MECOM: variants seen among roughly 807,000 people sequenced by gnomAD.
MECOM encodes histone-lysine N-methyltransferase MECOM.
In MECOM, 13 loss-of-function variants were observed where a neutral mutation model predicts 116.3. That is an observed-to-expected ratio of 0.11 (90% confidence interval 0.07 to 0.18). The LOEUF (loss-of-function observed/expected upper bound fraction) is 0.18. Ranked by LOEUF, MECOM falls within the 10% of genes least tolerant of loss-of-function variation. The pLI, the probability that MECOM is intolerant of heterozygous loss-of-function variation, is 1.00. For synonymous variants in MECOM, 528 were observed against 535.2 expected, an observed-to-expected ratio of 0.99 and a Z score of 0.19; for missense variants, 1,299 against 1,509.0, an observed-to-expected ratio of 0.86 and a Z score of 2.31.
At chr3:169,333,948 A>C (rs1319955146) in intron 2 of MECOM, among the ~76,000 whole-genome samples, 1 of 147,060 alleles carries the variant, frequency 6.8e-6, no homozygotes, top group East Asian at 2.0e-4. Context: ...AAAGCATAAG[A>C]GCAAACCCAG....
At chr3:169,415,086 T>C (rs748057549) in intron 1 of MECOM, among the ~76,000 whole-genome samples, 6 of 152,116 alleles carry the variant, frequency 3.9e-5, no homozygotes, top group Non-Finnish European at 5.9e-5. Context: ...AGTCATCAGA[T>C]TCATCAAGGT....
At chr3:169,370,271 A>G (rs1729870963) in intron 2 of MECOM, among the ~76,000 whole-genome samples, 1 of 152,022 alleles carries the variant, frequency 6.6e-6, no homozygotes, top group Admixed American at 6.6e-5. Context: ...CACAATGGAG[A>G]AAGGGTAGTC....
chr3:169,546,671 A>G (rs556190007), intron 1 of MECOM, among the ~76,000 whole-genome samples: 39 of 152,360 alleles, frequency 2.6e-4, no homozygotes, highest in African/African-American at 8.9e-4. Context: ...ACAAGTTAGT[A>G]CAAACTGGCT....
At chr3:169,626,841 A>G (rs1168913751) in intron 1 of MECOM, among the ~76,000 whole-genome samples, 2 of 146,344 alleles carry the variant, frequency 1.4e-5, no homozygotes, top group Admixed American at 6.8e-5. Context: ...TTTCTCTTTC[A>G]TCTTATCCCT....
intron 1 of MECOM, among the ~76,000 whole-genome samples, chr3:169,609,781 T>C (rs931302030): frequency 6.6e-6 from 1 of 152,310 alleles, no homozygotes; most frequent in African/African-American, 2.4e-5. Context: ...CAGAGTATAA[T>C]TAAAATTTCA....
intron 2 of MECOM, among the ~76,000 whole-genome samples, chr3:169,148,429 G>T (rs1740527289): frequency 2.0e-5 from 3 of 152,090 alleles, no homozygotes; most frequent in African/African-American, 7.3e-5. Context: ...AGAATACAGG[G>T]GATACATAGC....
chr3:169,468,210 C>A lies in MECOM; in HGVS notation c.38-86686G>T, dbSNP rs145164632. Among the ~76,000 whole-genome samples, 529 of 152,118 alleles carry A rather than the reference C, an allele frequency of 3.5e-3. 2 individuals are homozygous for A. The highest frequency in any genetic ancestry group is 0.012 in the African/African-American group (497 of 41,524). ...CTTTTAGCTGCTCAAAGGTGTAAAT[C>A]TCCTTCCCATGCCCTGATTCCTCAT... is the stretch of plus-strand genomic sequence containing the variant. On this transcript the variant is annotated intron_variant, in intron 1 of 16. Coordinates refer to ENST00000651503, the MANE Select transcript of MECOM (RefSeq NM_004991.4).
chr3:169,211,845 T>C (rs772570152), intron 2 of MECOM, among the ~76,000 whole-genome samples: 65 of 152,136 alleles, frequency 4.3e-4, no homozygotes, highest in Non-Finnish European at 6.5e-4. Flanking sequence ...GACATCTAAA[T>C]CTGGATGTTT....
chr3:169,260,220 G>T (rs975406321), intron 2 of MECOM, among the ~76,000 whole-genome samples: 1 of 151,944 alleles, frequency 6.6e-6, no homozygotes, highest in Non-Finnish European at 1.5e-5. Context: ...GCCAAAATTG[G>T]CTAGACTTAC....
At chr3:169,310,742 C>T (rs1718593276) in intron 2 of MECOM, among the ~76,000 whole-genome samples, 1 of 152,218 alleles carries the variant, frequency 6.6e-6, no homozygotes, top group Non-Finnish European at 1.5e-5. Flanking sequence ...CACACACATG[C>T]ACACATGCGA....
intron 1 of MECOM, among the ~76,000 whole-genome samples, chr3:169,638,913 C>G (rs975327694): frequency 6.6e-6 from 1 of 152,120 alleles, no homozygotes; most frequent in African/African-American, 2.4e-5. Flanking sequence ...TAGTTCTCAC[C>G]AGTGGAATTT....
At chr3:169,122,000 AAAG>A (rs1471840805) in intron 6 of MECOM, among the ~76,000 whole-genome samples, 1 of 152,210 alleles carries the variant, frequency 6.6e-6, no homozygotes, top group African/African-American at 2.4e-5. Flanking sequence ...CATGAAATTA[AAAG>A]AAGTGAATTA....
rs1037887510 is a variant in MECOM, at chr3:169,086,926, A to G, written c.3586-1883T>C. 3.5e-4 allele frequency among the ~76,000 whole-genome samples: 53 copies of G among 152,356 alleles called. 1 individual carries two copies. The highest frequency in any genetic ancestry group is 1.2e-3 in the African/African-American group (51 of 41,584). ...GTAATCAAAGGAAATAAACATTTTC[A>G]TATATAAGGATCAGTGCCCAGCATA... is the stretch of plus-strand genomic sequence containing the variant. On this transcript the variant is annotated intron_variant, in intron 16 of 16. Coordinates refer to ENST00000651503, the MANE Select transcript of MECOM (RefSeq NM_004991.4).
At chr3:169,418,381 C>A (rs1025097047) in intron 1 of MECOM, among the ~76,000 whole-genome samples, 1 of 152,042 alleles carries the variant, frequency 6.6e-6, no homozygotes, top group Non-Finnish European at 1.5e-5. Flanking sequence ...AAGAGGGACT[C>A]CTCCCTAACT....
intron 1 of MECOM, among the ~76,000 whole-genome samples, chr3:169,469,208 A>G (rs967666703): frequency 1.3e-5 from 2 of 152,184 alleles, no homozygotes; most frequent in African/African-American, 4.8e-5. Flanking sequence ...TTAAAGAATG[A>G]ACAAGGTTTC....
chr3:169,241,958 A>C (rs1210484759), intron 2 of MECOM, among the ~76,000 whole-genome samples: 1 of 152,204 alleles, frequency 6.6e-6, no homozygotes, highest in African/African-American at 2.4e-5. Context: ...GAAATGTAAA[A>C]AGTATTAGTG....
chr3:169,251,811 G>A (rs1451122329), intron 2 of MECOM, among the ~76,000 whole-genome samples: 2 of 152,174 alleles, frequency 1.3e-5, no homozygotes, highest in Non-Finnish European at 2.9e-5. Context: ...CCCGTCGACT[G>A]TGGAAGTGTG....
chr3:169,112,696 G>A, intron 9 of MECOM, 91 bp downstream of exon 9: 1 of 979,988 alleles, frequency 1.0e-6, no homozygotes, highest in Non-Finnish European at 1.6e-6. Flanking sequence ...AAATCCTAAT[G>A]TTCTCAAGAT....
intron 2 of MECOM, among the ~76,000 whole-genome samples, chr3:169,319,994 A>T (rs1344647527): frequency 6.6e-6 from 1 of 152,250 alleles, no homozygotes; most frequent in Non-Finnish European, 1.5e-5. Context: ...AAGAGGTCGT[A>T]CGGTGACTTT....
Sources: gnomAD v4.1 joint callset for allele counts (sites outside exome capture counted in the v4.1 genomes callset) on GRCh38, gnomAD v4.1.1 for gene constraint, MANE v1.5 for transcripts, NCBI Gene and HGNC (gene_info 2026-07-23, HGNC 2026-07-21) for gene names.